Variants in MROH9 observed in about 807,000 individuals in gnomAD.
MROH9 encodes maestro heat-like repeat-containing protein family member 9.
A neutral mutation model predicts 98.2 loss-of-function variants in MROH9; 92 were observed. The ratio of observed to expected loss-of-function variants is 0.94; its 90% CI spans 0.79 to 1.11. The LOEUF (loss-of-function observed/expected upper bound fraction) is 1.11, where lower values mean the gene tolerates loss of function less well. Ranked by LOEUF, MROH9 falls within the 50% of genes most tolerant of loss-of-function variation. MROH9 has a pLI of 0.00. For synonymous variants in MROH9, 397 were observed against 368.9 expected, an observed-to-expected ratio of 1.08 and a Z score of -0.87; for missense variants, 1,057 against 1,014.8, an observed-to-expected ratio of 1.04 and a Z score of -0.57.
At chr1:170,965,851 G>C (rs544169777) in intron 7 of MROH9, among the ~76,000 whole-genome samples, 2 of 151,840 alleles carry the variant, frequency 1.3e-5, no homozygotes, top group Non-Finnish European at 2.9e-5. Context: ...TTCACATATG[G>C]TTCTACAATT....
rs188379136 is a variant in MROH9 at position 171,053,921 on chromosome 1, G to A, written c.2282-8211G>A. 3.3e-3 allele frequency among the ~76,000 whole-genome samples: 503 copies of A among 152,022 alleles called. 4 individuals carry two copies. The highest frequency in any genetic ancestry group is 0.011 in the African/African-American group (469 of 41,496). ...CAAAAAGAGAGAGGAGAAAGAATGAGGCAGAAGAACTCCTGTAAGAGATGA... is the reference window on the plus strand; with the variant it reads ...CAAAAAGAGAGAGGAGAAAGAATGAAGCAGAAGAACTCCTGTAAGAGATGA... On this transcript the variant is annotated intron_variant, in intron 20 of 21. Transcript: ENST00000367759.
rs546252063 is a variant in MROH9 at position 170,979,400 on chromosome 1, G to A, written c.617-4022G>A. Among the ~76,000 whole-genome samples, 79 of 152,264 alleles carry A rather than the reference G, an allele frequency of 5.2e-4. No homozygotes were observed. The South Asian group carries it at 0.016, about 31-fold the overall frequency. ...TATATATAGTCAGTTGATTTTTTAT[G>A]AAGTTTCAAAGGCAATTTAAAGGAG... On this transcript the variant is annotated intron_variant, in intron 8 of 21. Coordinates refer to ENST00000367759, the MANE Select transcript of MROH9 (RefSeq NM_001163629.2).
intron 8 of MROH9, among the ~76,000 whole-genome samples, chr1:170,975,409 A>G (rs1413785141): frequency 6.6e-6 from 1 of 152,204 alleles, no homozygotes; most frequent in Non-Finnish European, 1.5e-5. Context: ...GGATCGATTA[A>G]TTAAGGAGAC....
intron 10 of MROH9, among the ~76,000 whole-genome samples, chr1:170,987,821 T>C (rs1651209652): frequency 6.6e-6 from 1 of 152,252 alleles, no homozygotes; most frequent in Admixed American, 6.5e-5. Context: ...CTTCAGCTTA[T>C]TGATGAGTAA....
chr1:170,948,759 G>A (rs1649432952), intron 3 of MROH9, among the ~76,000 whole-genome samples: 1 of 152,026 alleles, frequency 6.6e-6, no homozygotes, highest in South Asian at 2.1e-4. Flanking sequence ...ATATGACTTT[G>A]GGCCAGAGAA....
Position 171,019,053 on chromosome 1 carries a change from C to T in MROH9, c.1908+2717C>T, listed in dbSNP as rs149730081. On this transcript the variant is annotated intron_variant, in intron 17 of 21. Coordinates refer to ENST00000367759, the MANE Select transcript of MROH9 (RefSeq NM_001163629.2). ...CACATGGCACTGATTCTAAAATAGA[C>T]CACATAATTGGAGGTAAAACACTCA... Among the ~76,000 whole-genome samples the T allele has an allele frequency of 4.1e-3, 622 of 152,238 alleles. 8 individuals are homozygous for T. The highest frequency in any genetic ancestry group is 0.014 in the African/African-American group (585 of 41,532).
chr1:170,965,792 C>T (rs75706020), intron 7 of MROH9, among the ~76,000 whole-genome samples: 3,994 of 152,116 alleles, frequency 0.026, 63 homozygotes, highest in Non-Finnish European at 0.04. Context: ...ATAAAACACA[C>T]ACTGAAATAC....
In MROH9 at chr1:171,024,727, A is replaced by C. The variant is rs887747787; in HGVS notation, c.2140A>C (p.Ser714Arg). ...ACGTTTGCTCAAAGATGAAAATTAC[A>C]GTTTTGAGATGGTGGTGCTCAATAT... ...TSRLLKDENY[S>R]FEMVVLNICN... Residue 714 changes from serine (S) to arginine (R), a missense_variant, in exon 19 of 22, where the codon AGT becomes CGT. Coordinates refer to ENST00000367759, the MANE Select transcript of MROH9 (RefSeq NM_001163629.2). 2 of 1,550,812 alleles carry C rather than the reference A, an allele frequency of 1.3e-6. No homozygotes were observed. The highest frequency in any genetic ancestry group is 1.4e-5 in the African/African-American group (1 of 73,026).
intron 20 of MROH9, among the ~76,000 whole-genome samples, chr1:171,058,113 C>G (rs960530856): frequency 6.6e-6 from 1 of 152,112 alleles, no homozygotes; most frequent in African/African-American, 2.4e-5. Context: ...CCCAAAAACT[C>G]CTTAAGCTGA....
intron 20 of MROH9, among the ~76,000 whole-genome samples, chr1:171,051,685 G>A (rs1653669293): frequency 6.6e-6 from 1 of 152,136 alleles, no homozygotes. Flanking sequence ...AACCACCATA[G>A]CACACATTTA....
chr1:170,966,801 T>C (rs1213069276), intron 7 of MROH9, among the ~76,000 whole-genome samples: 1 of 152,126 alleles, frequency 6.6e-6, no homozygotes, highest in Non-Finnish European at 1.5e-5. Flanking sequence ...GCTCGAGTTA[T>C]ACATTTGGTG....
rs776567062 is a variant in MROH9, at chr1:170,955,407, A to G, written c.73-3054A>G. 3.3e-5 allele frequency among the ~76,000 whole-genome samples: 5 copies of G among 152,272 alleles called. No homozygotes were observed. In the South Asian group the frequency reaches 1.0e-3, roughly 32 times the overall value. ...AAGGAATCTCCACACTGTTTTCCAT[A>G]GCAGCTGTACTACTTTACATTTCCA... On this transcript the variant is annotated intron_variant, in intron 3 of 21. Transcript: ENST00000367759.
chr1:171,024,327 TGTG>T, intron 17 of MROH9, 65 bp from the exon 18 acceptor site: 1 of 1,052,892 alleles, frequency 9.5e-7, no homozygotes, highest in Non-Finnish European at 1.4e-6. Flanking sequence ...TGTGTGTGTG[TGTG>T]TAGATTACTG....
rs577547433 is a variant in MROH9, at chr1:171,047,459, G to T, written c.2282-14673G>T. On this transcript the variant is annotated intron_variant, in intron 20 of 21. Transcript: ENST00000367759. ...TTAAAGTACTCTGATGCATTCTACA[G>T]TATGCTTATTGCATTTTTCAGCTCC... is the stretch of plus-strand genomic sequence containing the variant. Among the ~76,000 whole-genome samples, 10 of 152,226 alleles carry T rather than the reference G, an allele frequency of 6.6e-5. No individual in the cohort carries two copies. In the South Asian group the frequency reaches 2.1e-3, roughly 32 times the overall value.
intron 20 of MROH9, among the ~76,000 whole-genome samples, chr1:171,051,227 C>T (rs1446385393): frequency 2.6e-5 from 4 of 152,110 alleles, no homozygotes; most frequent in Non-Finnish European, 5.9e-5. Flanking sequence ...ACCCAACAAT[C>T]TCATTACTGG....
intron 8 of MROH9, among the ~76,000 whole-genome samples, chr1:170,975,926 A>G (rs1177823818): frequency 2.0e-5 from 3 of 151,710 alleles, no homozygotes; most frequent in Non-Finnish European, 2.9e-5. Context: ...GTCTTTTTTG[A>G]TCTTTGTCGG....
chr1:171,027,953 G>A (rs1452887693), intron 20 of MROH9, among the ~76,000 whole-genome samples: 1 of 152,110 alleles, frequency 6.6e-6, no homozygotes, highest in Non-Finnish European at 1.5e-5. Flanking sequence ...TTTGTCAGAT[G>A]GGTAGATTGC....
Position 171,016,328 on chromosome 1 carries a change from A to T in MROH9, c.1900A>T (p.Met634Leu). 1 of 1,507,086 alleles carries T rather than the reference A, an allele frequency of 6.6e-7. No individual in the cohort carries two copies. The highest frequency in any genetic ancestry group is 2.3e-5 in the Admixed American group (1 of 43,896). 93.4% of individuals were successfully genotyped at this position (1,507,086 alleles called of 1,614,324 possible). Reference sequence around the variant, plus strand: ...AATTGGTTCCAGCTACTGTACTCTGATGGATCATGTGAGTTACACAGTTAG... The same window carrying T: ...AATTGGTTCCAGCTACTGTACTCTGTTGGATCATGTGAGTTACACAGTTAG... ...TRIGSSYCTLMDHINGGIRSM... is the reference protein window; with the variant it reads ...TRIGSSYCTLLDHINGGIRSM... Residue 634 changes from methionine to leucine, a missense_variant, in exon 17 of 22, where the codon ATG becomes TTG. Coordinates refer to ENST00000367759, the MANE Select transcript of MROH9 (RefSeq NM_001163629.2).
rs537290369 is a variant in MROH9 at position 171,064,712 on chromosome 1, T to A, written c.*372T>A. On this transcript the variant is annotated 3_prime_UTR_variant, in exon 22 of 22. Transcript: ENST00000367759. The stretch of plus-strand genomic sequence containing the variant: ...GATACTGTGTTAGGCAGTGGGGACA[T>A]TTGGATGATATAGACAAGGTTCCTG... 1.1e-4 allele frequency: 18 copies of A among 169,412 alleles called. No homozygotes were observed. The South Asian group carries it at 3.1e-3, about 29-fold the overall frequency. The allele number at this position is 169,412 out of a possible 1,614,324, so 10.5% of individuals were successfully genotyped here.
Sources: gnomAD v4.1 joint callset for allele counts (sites outside exome capture counted in the v4.1 genomes callset) on GRCh38, gnomAD v4.1.1 for gene constraint, MANE v1.5 for transcripts, NCBI Gene and HGNC (gene_info 2026-07-23, HGNC 2026-07-21) for gene names.